KSR1: variants seen among roughly 807,000 people sequenced by gnomAD.
The protein encoded by KSR1 is kinase suppressor of ras 1, also known as kinase suppressor of ras.
A neutral mutation model predicts 92.9 loss-of-function variants in KSR1; 35 were observed. The ratio of observed to expected loss-of-function variants is 0.38; its 90% CI spans 0.29 to 0.50. The LOEUF (loss-of-function observed/expected upper bound fraction) is 0.50. KSR1 is among the 20% of genes least tolerant of loss of function. The pLI is 0.94. For synonymous variants in KSR1, 467 were observed against 472.6 expected (o/e 0.99, Z 0.15); for missense variants, 972 against 1,158.5 (o/e 0.84, Z 2.34).
chr17:27,564,751 C>T (rs1598038556), intron 2 of KSR1, among the ~76,000 whole-genome samples: 1 of 138,144 alleles, frequency 7.2e-6, no homozygotes, highest in East Asian at 2.4e-4. Flanking sequence ...CCCCCCCCAC[C>T]TCCCCCACCC....
chr17:27,534,595 A>G (rs1260123157), intron 1 of KSR1, among the ~76,000 whole-genome samples: 2 of 152,212 alleles, frequency 1.3e-5, no homozygotes, highest in Non-Finnish European at 2.9e-5. Context: ...GCACCTGACT[A>G]TCCATCACTA....
rs570765528 is a variant in KSR1 at position 27,580,659 on chromosome 17, C to T, written c.521-1987C>T. 5.3e-5 allele frequency among the ~76,000 whole-genome samples: 8 copies of T among 152,276 alleles called. 1 individual carries two copies. In the South Asian group the frequency reaches 1.7e-3, roughly 32 times the overall value. ...CAGTGTCTGTGGCCTCCCTGAGTCACAGTGACCTCCACTGTACACTGGGGA... is the reference window on the plus strand; with the variant it reads ...CAGTGTCTGTGGCCTCCCTGAGTCATAGTGACCTCCACTGTACACTGGGGA... On this transcript the variant is annotated intron_variant, in intron 3 of 20. Transcript: ENST00000644974.
intron 1 of KSR1, among the ~76,000 whole-genome samples, chr17:27,539,403 G>A (rs1182723283): frequency 6.6e-6 from 1 of 152,180 alleles, no homozygotes; most frequent in African/African-American, 2.4e-5. Flanking sequence ...CAGAAGCACC[G>A]AGCAGCAGGG....
At chr17:27,477,211 A>G (rs1365801399) in intron 1 of KSR1, among the ~76,000 whole-genome samples, 1 of 152,102 alleles carries the variant, frequency 6.6e-6, no homozygotes, top group African/African-American at 2.4e-5. Flanking sequence ...AACCTGTTTT[A>G]TCAGCAAGGT....
intron 11 of KSR1, among the ~76,000 whole-genome samples, chr17:27,602,785 C>G (rs2073614405): frequency 6.6e-6 from 1 of 152,192 alleles, no homozygotes; most frequent in East Asian, 1.9e-4. Flanking sequence ...TTCTGATCCC[C>G]CAGAAATTGT....
intron 1 of KSR1, among the ~76,000 whole-genome samples, chr17:27,526,046 C>CTTTTTCTTTTCTT (rs1555576231): frequency 1.7e-5 from 1 of 60,546 alleles, no homozygotes; most frequent in South Asian, 5.6e-4. Context: ...TCTTTTCTTT[C>CTTTTTCTTTTCTT]TCTCTCTCTC....
In KSR1 at chr17:27,577,398, C is replaced by T. The variant is rs2072551551; in HGVS notation, c.373-94C>T. 1.3e-6 allele frequency: 1 copy of T among 747,528 alleles called. No individual in the cohort carries two copies. The highest frequency in any genetic ancestry group is 1.8e-5 in the African/African-American group (1 of 56,368). 46.3% of individuals were successfully genotyped at this position (747,528 alleles called of 1,614,324 possible). On this transcript the variant is annotated intron_variant, in intron 2 of 20. Coordinates refer to ENST00000644974, the MANE Select transcript of KSR1 (RefSeq NM_001394583.1). This position sits in a 1 kb window ranked among gnomAD's most constrained non-coding sequence, Gnocchi z 4.5. ...GAGGCCGGCCCAGCCAGCAGCTGGC[C>T]CCTGCCACTCAGCAGGAGGCCAGCC... is the stretch of plus-strand genomic sequence containing the variant.
intron 1 of KSR1, among the ~76,000 whole-genome samples, chr17:27,470,710 T>C (rs2019951927): frequency 1.3e-5 from 2 of 152,212 alleles, no homozygotes; most frequent in Non-Finnish European, 2.9e-5. Context: ...ATAGCTGTTT[T>C]AAAAATTGTA....
chr17:27,524,232 G>T (rs968585816), intron 1 of KSR1, among the ~76,000 whole-genome samples: 3 of 152,014 alleles, frequency 2.0e-5, no homozygotes, highest in Admixed American at 2.0e-4. Flanking sequence ...TGGGAGGAGA[G>T]ACCACTTGGC....
At chr17:27,473,990 T>A (rs1188368792) in intron 1 of KSR1, among the ~76,000 whole-genome samples, 3 of 152,212 alleles carry the variant, frequency 2.0e-5, no homozygotes, top group Non-Finnish European at 4.4e-5. Flanking sequence ...CCTCGTTTAC[T>A]CACAATACCT....
At chr17:27,553,188 G>A (rs2071460504) in intron 2 of KSR1, among the ~76,000 whole-genome samples, 1 of 152,180 alleles carries the variant, frequency 6.6e-6, no homozygotes, top group African/African-American at 2.4e-5. Flanking sequence ...GCTGGCACAG[G>A]CAGTTGTGAA....
chr17:27,477,658 C>G (rs2068385414), intron 1 of KSR1, among the ~76,000 whole-genome samples: 1 of 152,102 alleles, frequency 6.6e-6, no homozygotes, highest in South Asian at 2.1e-4. Flanking sequence ...TCCCAGAATG[C>G]CATCATAGCC....
chr17:27,571,074 G>C (rs982736743), intron 2 of KSR1, among the ~76,000 whole-genome samples: 2 of 152,178 alleles, frequency 1.3e-5, no homozygotes, highest in African/African-American at 4.8e-5. Context: ...TTGCTTCACT[G>C]TGTTGGCCTC....
At chr17:27,469,706 C>T (rs369428369) in intron 1 of KSR1, among the ~76,000 whole-genome samples, 2 of 152,110 alleles carry the variant, frequency 1.3e-5, no homozygotes, top group Admixed American at 1.3e-4. Flanking sequence ...CACTGTCCCC[C>T]GCCTTTCACG....
At chr17:27,612,061 A>T (rs575331835) in intron 18 of KSR1, among the ~76,000 whole-genome samples, 1 of 152,338 alleles carries the variant, frequency 6.6e-6, no homozygotes, top group South Asian at 2.1e-4. Context: ...AACAAATCAA[A>T]GTTTCCACAG....
intron 1 of KSR1, among the ~76,000 whole-genome samples, chr17:27,491,304 GGTGTGTGTGTGTGTGTGTGTGTGT>G (rs60738939): frequency 1.8e-5 from 2 of 110,066 alleles, no homozygotes; most frequent in African/African-American, 3.8e-5. Context: ...TTTTGTTAGT[GGTGTGTGTGTGTGTGTGTGTGTGT>G]GTGTGTGTGT....
intron 1 of KSR1, among the ~76,000 whole-genome samples, chr17:27,470,495 C>T (rs1365527918): frequency 2.6e-5 from 4 of 152,106 alleles, no homozygotes; most frequent in Non-Finnish European, 5.9e-5. Context: ...CCACCTCGGC[C>T]TCCCAAAGTG....
intron 1 of KSR1, among the ~76,000 whole-genome samples, chr17:27,495,528 G>T (rs2068955664): frequency 6.6e-6 from 1 of 152,152 alleles, no homozygotes; most frequent in African/African-American, 2.4e-5. Flanking sequence ...CCCCTGATCT[G>T]CCCCAAAGGT....
Position 27,618,159 on chromosome 17 carries a change from A to G in KSR1, c.2627+731A>G, listed in dbSNP as rs1272539440. On this transcript the variant is annotated intron_variant, in intron 19 of 20. Coordinates refer to ENST00000644974, the MANE Select transcript of KSR1 (RefSeq NM_001394583.1). ...TTACAATGGCACCCACCGAAACACA[A>G]GAAGCCAGCCACCTCTTATGGGGAC... Among the ~76,000 whole-genome samples, 6 of 152,052 alleles carry G rather than the reference A, an allele frequency of 3.9e-5. No individual in the cohort carries two copies. In the East Asian group the frequency reaches 1.2e-3, roughly 29 times the overall value.
Sources: gnomAD v4.1 joint callset for allele counts (sites outside exome capture counted in the v4.1 genomes callset) on GRCh38, gnomAD v4.1.1 for gene constraint, Gnocchi (gnomAD v3.1) non-coding constraint, MANE v1.5 for transcripts, NCBI Gene and HGNC (gene_info 2026-07-23, HGNC 2026-07-21) for gene names.